PLOD1: variants seen among roughly 807,000 people sequenced by gnomAD.
PLOD1 encodes lysine hydroxylase.
Under a neutral mutation model 94.7 loss-of-function variants are expected in PLOD1, and 70 were observed. That is an observed-to-expected ratio of 0.74 (90% CI 0.61 to 0.90). PLOD1 has a LOEUF of 0.90. Among genes scored for constraint, PLOD1 ranks in the 40% least tolerant of loss-of-function variants. PLOD1 has a pLI of 0.00. For synonymous variants in PLOD1, 417 were observed against 400.2 expected (o/e 1.04, Z -0.50); for missense variants, 905 against 972.7 (o/e 0.93, Z 0.93).
At chr1:11,961,505 G>T (rs527749486) in intron 10 of PLOD1, among the ~76,000 whole-genome samples, 27 of 152,338 alleles carry the variant, frequency 1.8e-4, no homozygotes, top group Non-Finnish European at 2.6e-4. Context: ...TTGCAAATTG[G>T]CTCTGCCGGC....
intron 6 of PLOD1, among the ~76,000 whole-genome samples, chr1:11,956,298 C>T (rs1432357908): frequency 6.6e-6 from 1 of 152,156 alleles, no homozygotes; most frequent in East Asian, 1.9e-4. Flanking sequence ...GCAGGAAAAT[C>T]ACTTGAACCT....
chr1:11,968,856 T>C (rs1645841052), intron 16 of PLOD1, among the ~76,000 whole-genome samples: 1 of 145,784 alleles, frequency 6.9e-6, no homozygotes, highest in Non-Finnish European at 1.5e-5. Flanking sequence ...TTTTTTTTTT[T>C]GGTGAAGTGG....
chr1:11,974,692 C>G lies in PLOD1; in HGVS notation c.2068C>G (p.Arg690Gly). ...CRFLRYNCSI[R>G]APRKGWTLMH... ...GTTCCTGCGCTACAACTGTTCCATC[C>G]GAGCCCCAAGGAAGGGCTGGACCCT... The change falls in exon 19 of 19, where the codon CGA becomes GGA. Residue 690 changes from arginine (R) to glycine (G), a missense_variant. Coordinates refer to ENST00000196061, the MANE Select transcript of PLOD1 (RefSeq NM_000302.4). The G allele has an allele frequency of 6.2e-7, 1 of 1,613,940 alleles. No individual in the cohort carries two copies. Among genetic ancestry groups the G allele is most frequent in the South Asian group, 1.1e-5 (1 of 91,070 alleles).
chr1:11,968,203 C>G (rs978586135), intron 16 of PLOD1, among the ~76,000 whole-genome samples: 1 of 152,122 alleles, frequency 6.6e-6, no homozygotes, highest in African/African-American at 2.4e-5. Flanking sequence ...AGCTACCCAC[C>G]TCGGCCTCCC....
rs982609390 is a variant in PLOD1, at chr1:11,963,339, G to A, written c.1098-193G>A. ...ACTTGATACCAGTTGCCAACCTCTG[G>A]GCCTTGGGTGAGAGAGCCCAGCAGT... On this transcript the variant is annotated intron_variant, in intron 10 of 18. Coordinates refer to ENST00000196061, the MANE Select transcript of PLOD1 (RefSeq NM_000302.4). The surrounding 1 kb of genome is among the most constrained non-coding windows in gnomAD (Gnocchi z 4.3). Among the ~76,000 whole-genome samples, 1 of 152,202 alleles carries A rather than the reference G, an allele frequency of 6.6e-6. No individual in the cohort carries two copies. The highest frequency in any genetic ancestry group is 6.5e-5 in the Admixed American group (1 of 15,270).
At chr1:11,946,456 T>C (rs1202331328) in intron 1 of PLOD1, among the ~76,000 whole-genome samples, 10 of 152,208 alleles carry the variant, frequency 6.6e-5, no homozygotes, top group Non-Finnish European at 1.0e-4. Context: ...GGCCGACTCA[T>C]TGGTTCTAAG....
At chr1:11,974,573 C>A in intron 18 of PLOD1, 80 bp from the exon 19 acceptor site, 2 of 1,402,750 alleles carry the variant, frequency 1.4e-6, no homozygotes, top group Non-Finnish European at 2.0e-6. Flanking sequence ...GGCCACTTGG[C>A]CATGACAGGA....
intron 1 of PLOD1, among the ~76,000 whole-genome samples, chr1:11,943,143 CCAT>C (rs1364135385): frequency 6.6e-6 from 1 of 152,082 alleles, no homozygotes; most frequent in Non-Finnish European, 1.5e-5. Context: ...CCGCCCACCA[CCAT>C]GCCTAGCTAA....
intron 1 of PLOD1, chr1:11,944,652 C>A: frequency 7.4e-7 from 1 of 1,357,534 alleles, no homozygotes; most frequent in South Asian, 1.1e-5. Context: ...GTTTCTGGAT[C>A]CCAGGTTCAG....
At chr1:11,937,781 G>A (rs748002610) in intron 1 of PLOD1, among the ~76,000 whole-genome samples, 3 of 152,122 alleles carry the variant, frequency 2.0e-5, no homozygotes, top group Non-Finnish European at 4.4e-5. Flanking sequence ...GGTAACCCAG[G>A]TAGAGCACCT....
At chr1:11,960,909 G>C in intron 10 of PLOD1, 142 bp downstream of exon 10, 1 of 1,286,992 alleles carries the variant, frequency 7.8e-7, no homozygotes, top group Non-Finnish European at 1.1e-6. Flanking sequence ...GGGCCTTGGA[G>C]TTTCCATCTG....
chr1:11,974,770 G>A lies in PLOD1; in HGVS notation c.2146G>A (p.Gly716Ser). The part of the protein sequence containing the change: ...HYHEGLPTTR[G>S]TRYIAVSFVD... ...CCATGAGGGGCTCCCCACCACCAGG[G>A]GCACCCGCTACATCGCAGTCTCCTT... Residue 716 changes from glycine to serine, a missense_variant, in exon 19 of 19, where the codon GGC becomes AGC. Physicochemically the swap from Gly to Ser is moderately conservative, Grantham distance 56. Transcript: ENST00000196061. 1 of 1,614,142 alleles carries A rather than the reference G, an allele frequency of 6.2e-7. No individual in the cohort carries two copies. The highest frequency in any genetic ancestry group is 8.5e-7 in the Non-Finnish European group (1 of 1,180,024).
At position 11,972,341 on chromosome 1, in the gene PLOD1, TC is replaced by T; in HGVS notation, c.1903-528del. 1 of 158,796 alleles carries T rather than the reference TC, an allele frequency of 6.3e-6. No individual in the cohort carries two copies. The highest frequency in any genetic ancestry group is 1.4e-5 in the Non-Finnish European group (1 of 71,638). 9.8% of individuals were successfully genotyped at this position (158,796 alleles called of 1,614,324 possible). A position where few individuals can be genotyped will look rare whatever the true frequency, so the allele number is the denominator to read the frequency against. On this transcript the variant is annotated intron_variant, in intron 17 of 18. Coordinates refer to ENST00000196061, the MANE Select transcript of PLOD1 (RefSeq NM_000302.4). The surrounding 1 kb of genome is among the most constrained non-coding windows in gnomAD (Gnocchi z 4.6). ...ATCTTGGCTCACTACAATCTCCGCC[TC>T]CCAGATTCAAGCGATTCTCCGGCCT...
intron 1 of PLOD1, among the ~76,000 whole-genome samples, chr1:11,943,359 C>T (rs1294374142): frequency 6.6e-6 from 1 of 150,812 alleles, no homozygotes; most frequent in Non-Finnish European, 1.5e-5. Flanking sequence ...TGCAATGGCA[C>T]AGTCTCTGCT....
At chr1:11,944,639 C>G (rs1645637875) in intron 1 of PLOD1, 1 of 1,361,118 alleles carries the variant, frequency 7.3e-7, no homozygotes, top group South Asian at 1.1e-5. Flanking sequence ...AGCAGCATCC[C>G]TCGTTTCTGG....
At position 11,972,738 on chromosome 1, in the gene PLOD1, G is replaced by T; in HGVS notation, c.1903-134G>T. 1.1e-6 allele frequency: 1 copy of T among 887,386 alleles called. No individual in the cohort carries two copies. The highest frequency in any genetic ancestry group is 1.3e-5 in the South Asian group (1 of 74,824). The allele number at this position is 887,386 out of a possible 1,614,324, so 55.0% of individuals were successfully genotyped here. ...GTAGTTGCAGGCACTCGAGCATAGA[G>T]CCCCATGTAGACCTGGCCCCTGTAA... On this transcript the variant is annotated intron_variant, in intron 17 of 18. Coordinates refer to ENST00000196061, the MANE Select transcript of PLOD1 (RefSeq NM_000302.4). The surrounding 1 kb of genome is among the most constrained non-coding windows in gnomAD (Gnocchi z 4.6).
At chr1:11,939,412 C>G (rs1332592014) in intron 1 of PLOD1, among the ~76,000 whole-genome samples, 1 of 152,126 alleles carries the variant, frequency 6.6e-6, no homozygotes, top group African/African-American at 2.4e-5. Flanking sequence ...CCCCAGGGAG[C>G]AGACTGGGTG....
intron 2 of PLOD1, 108 bp from the exon 3 acceptor site, chr1:11,949,665 A>G: frequency 8.9e-7 from 1 of 1,126,428 alleles, no homozygotes; most frequent in South Asian, 1.4e-5. Context: ...GGTGGTCCAC[A>G]CGTCTCGGCC....
Position 11,934,757 on chromosome 1 carries a change from C to T in PLOD1, c.-23C>T, listed in dbSNP as rs1485829771. On this transcript the variant is annotated 5_prime_UTR_variant, in exon 1 of 19. Transcript: ENST00000196061. Reference sequence around the variant, plus strand: ...GCCCTGCGAGCGCCGCCGGGTCGGCCGATCGTCCCCCATACCTCGGCCATG... The same window carrying T: ...GCCCTGCGAGCGCCGCCGGGTCGGCTGATCGTCCCCCATACCTCGGCCATG... The T allele has an allele frequency of 1.0e-5, 16 of 1,523,952 alleles. No homozygotes were observed. Among genetic ancestry groups the T allele is most frequent in the Non-Finnish European group, 1.4e-5 (16 of 1,141,548 alleles). The allele number at this position is 1,523,952 out of a possible 1,614,324, so 94.4% of individuals were successfully genotyped here. A position where few individuals can be genotyped will look rare whatever the true frequency, so the allele number is the denominator to read the frequency against.
Sources: allele counts gnomAD v4.1 joint callset (sites outside exome capture counted in the v4.1 genomes callset), GRCh38; gene constraint gnomAD v4.1.1; non-coding constraint Gnocchi (gnomAD v3.1); transcripts MANE v1.5; gene names NCBI Gene and HGNC (gene_info 2026-07-23, HGNC 2026-07-21).